PRRC1: variants seen among roughly 807,000 people sequenced by gnomAD.
The protein encoded by PRRC1 is protein PRRC1.
PRRC1 carries 39 observed loss-of-function variants against 40.7 expected under a neutral mutation model. The observed-to-expected ratio is 0.96, with a 90% CI of 0.74 to 1.25. The LOEUF (loss-of-function observed/expected upper bound fraction) is 1.25. PRRC1 is among the 50% of genes most tolerant of loss of function. PRRC1 has a pLI of 0.00. For synonymous variants in PRRC1, 175 were observed against 193.3 expected (o/e 0.91, Z 0.79); for missense variants, 573 against 548.3 (o/e 1.05, Z -0.45).
At chr5:127,543,277 C>G (rs924866419) in intron 7 of PRRC1, among the ~76,000 whole-genome samples, 3 of 152,178 alleles carry the variant, frequency 2.0e-5, no homozygotes, top group East Asian at 1.9e-4. Flanking sequence ...TGTGGGTAAC[C>G]CGACCTTTCT....
chr5:127,549,784 A>G (rs946923402), intron 8 of PRRC1: 3 of 152,202 alleles, frequency 2.0e-5, no homozygotes, highest in African/African-American at 7.2e-5. Flanking sequence ...CTGCTTTTGT[A>G]CTATAGCAGC....
Position 127,554,094 on chromosome 5 carries a change from C to A in PRRC1, c.*2178C>A. ...TTAGATTTCCCTGTTGTAAAAGGGG[C>A]AAGAAAAGTAACTCATCATCTCTAA... On this transcript the variant is annotated 3_prime_UTR_variant, in exon 9 of 9. Coordinates refer to ENST00000296666, the MANE Select transcript of PRRC1 (RefSeq NM_130809.5). 1 of 539,452 alleles carries A rather than the reference C, an allele frequency of 1.9e-6. No homozygotes were observed. The highest frequency in any genetic ancestry group is 3.1e-6 in the Non-Finnish European group (1 of 317,900). The allele number at this position is 539,452 out of a possible 1,614,324, so 33.4% of individuals were successfully genotyped here.
chr5:127,551,715 T>A lies in PRRC1; in HGVS notation c.1137T>A (p.Ser379Arg). The change falls in exon 9 of 9, where the codon AGT becomes AGA. Residue 379 changes from serine (S) to arginine (R), a missense_variant. Physicochemically the swap from Ser to Arg is moderately radical, Grantham distance 110. Transcript: ENST00000296666. ...VPLEFVQQAQ[S>R]LTPQDYNLRW... ...ATTTCATCTTTCCACAGGCTCAAAG[T>A]CTAACTCCCCAGGACTATAATCTGA... 6.2e-7 allele frequency: 1 copy of A among 1,614,084 alleles called. No homozygotes were observed. The highest frequency in any genetic ancestry group is 8.5e-7 in the Non-Finnish European group (1 of 1,179,968).
At chr5:127,520,580 A>T (rs1221953600) in intron 1 of PRRC1, among the ~76,000 whole-genome samples, 3 of 152,234 alleles carry the variant, frequency 2.0e-5, no homozygotes, top group African/African-American at 7.2e-5. Context: ...ATGCTGTATG[A>T]TTCGATTTAT....
chr5:127,534,620 G>A (rs1031766520), intron 6 of PRRC1, among the ~76,000 whole-genome samples: 1 of 151,930 alleles, frequency 6.6e-6, no homozygotes. Context: ...CACTCCTTCT[G>A]TACTTCCTTT....
intron 1 of PRRC1, among the ~76,000 whole-genome samples, chr5:127,523,211 C>T (rs865990883): frequency 6.6e-6 from 1 of 152,150 alleles, no homozygotes; most frequent in African/African-American, 2.4e-5. Context: ...GTTATTATAA[C>T]ATGAAATTAT....
intron 8 of PRRC1, chr5:127,548,894 T>C (rs558292757): frequency 1.1e-4 from 16 of 152,288 alleles, no homozygotes; most frequent in Admixed American, 9.2e-4. Context: ...AACCTTTTTA[T>C]AGATATTAAC....
intron 4 of PRRC1, among the ~76,000 whole-genome samples, 157 bp downstream of exon 4, chr5:127,526,935 T>C (rs1350080655): frequency 2.0e-5 from 3 of 152,258 alleles, no homozygotes; most frequent in Non-Finnish European, 4.4e-5. Context: ...TGCCTATGCA[T>C]ATCTGTGTAA....
chr5:127,518,500 G>C (rs1170540894), intron 1 of PRRC1, among the ~76,000 whole-genome samples: 1 of 152,210 alleles, frequency 6.6e-6, no homozygotes, highest in African/African-American at 2.4e-5. Context: ...GCATTTCTGC[G>C]ATCGTGACAC....
rs1443349082 is a variant in PRRC1, at chr5:127,523,493, G to A, written c.14G>A (p.Ser5Asn). ...AATTGAAGAAAAATGATGGAAGAGA[G>A]TGGAATAGAGACAACACCACCTGGG... MMEE[S>N]GIETTPPGTP... The change falls in exon 2 of 9, where the codon AGT becomes AAT. Residue 5 changes from serine to asparagine, a missense_variant. Coordinates refer to ENST00000296666, the MANE Select transcript of PRRC1 (RefSeq NM_130809.5). 3 of 1,604,204 alleles carry A rather than the reference G, an allele frequency of 1.9e-6. No individual in the cohort carries two copies. Among genetic ancestry groups the A allele is most frequent in the Non-Finnish European group, 1.7e-6 (2 of 1,176,714 alleles).
intron 1 of PRRC1, among the ~76,000 whole-genome samples, chr5:127,519,614 T>A (rs765641531): frequency 2.6e-5 from 4 of 152,206 alleles, no homozygotes; most frequent in African/African-American, 9.7e-5. Flanking sequence ...TTTTAGCTCA[T>A]CTCTTATTCT....
chr5:127,546,885 CATT>C (rs779653171), intron 7 of PRRC1, among the ~76,000 whole-genome samples: 18 of 151,984 alleles, frequency 1.2e-4, no homozygotes, highest in Non-Finnish European at 2.4e-4. Context: ...AAATAAATGT[CATT>C]ATTTAATGTT....
chr5:127,553,040 T>C lies in PRRC1; in HGVS notation c.*1124T>C. On this transcript the variant is annotated 3_prime_UTR_variant, in exon 9 of 9. Transcript: ENST00000296666. ...CTTATATAAATGATAATTAAATAAATTTTTTTCTTAATACTGTTGGACTTT... is the reference window on the plus strand; with the variant it reads ...CTTATATAAATGATAATTAAATAAACTTTTTTCTTAATACTGTTGGACTTT... The C allele has an allele frequency of 1.9e-5, 14 of 735,744 alleles. No individual in the cohort carries two copies. The highest frequency in any genetic ancestry group is 2.3e-5 in the Non-Finnish European group (14 of 603,256). The allele number at this position is 735,744 out of a possible 1,614,324, so 45.6% of individuals were successfully genotyped here. A position where few individuals can be genotyped will look rare whatever the true frequency, so the allele number is the denominator to read the frequency against.
chr5:127,538,144 G>A (rs233026), intron 6 of PRRC1, among the ~76,000 whole-genome samples: 43,507 of 151,722 alleles, frequency 0.29, 6,774 homozygotes, highest in East Asian at 0.55. Context: ...ATCTTAAATT[G>A]TCTTACACGT....
intron 6 of PRRC1, among the ~76,000 whole-genome samples, chr5:127,538,491 A>C (rs1767954782): frequency 6.6e-6 from 1 of 152,032 alleles, no homozygotes; most frequent in South Asian, 2.1e-4. Flanking sequence ...CTTCAATGGT[A>C]ATTATTTTGT....
intron 8 of PRRC1, chr5:127,549,177 G>T (rs924263440): frequency 2.4e-4 from 36 of 151,898 alleles, no homozygotes; most frequent in African/African-American, 8.7e-4. Context: ...AAATCACTGA[G>T]TACCAATGGT....
intron 8 of PRRC1, chr5:127,551,424 T>C (rs1561690234): frequency 2.9e-6 from 1 of 346,146 alleles, no homozygotes; most frequent in Non-Finnish European, 5.4e-6. Context: ...GTACCAATCT[T>C]ATTATTAACC....
intron 3 of PRRC1, among the ~76,000 whole-genome samples, chr5:127,525,537 A>G (rs549448924): frequency 2.6e-5 from 4 of 152,336 alleles, no homozygotes; most frequent in African/African-American, 9.6e-5. Context: ...GTGTCTACCT[A>G]GGCATGGAAT....
chr5:127,542,990 C>A (rs1372675842), intron 7 of PRRC1, among the ~76,000 whole-genome samples: 5 of 151,384 alleles, frequency 3.3e-5, no homozygotes, highest in Admixed American at 2.6e-4. Context: ...TACATTTTGG[C>A]ATGATTTTGC....
Sources: allele counts gnomAD v4.1 joint callset (sites outside exome capture counted in the v4.1 genomes callset), GRCh38; gene constraint gnomAD v4.1.1; transcripts MANE v1.5; gene names NCBI Gene and HGNC (gene_info 2026-07-23, HGNC 2026-07-21).